POLR2E: variants seen among roughly 807,000 people sequenced by gnomAD.
POLR2E encodes the protein RNA polymerase II, I and III subunit E, also known as DNA-directed RNA polymerases I, II, and III subunit RPABC1.
POLR2E carries 35 observed loss-of-function variants against 29.8 expected under a neutral mutation model. The observed-to-expected ratio is 1.17, with a 90% confidence interval of 0.90 to 1.55. The LOEUF is 1.55. Ranked by LOEUF, POLR2E falls within the 40% of genes most tolerant of loss-of-function variation. POLR2E has a pLI of 0.00. For missense variants in POLR2E, 287 were observed against 288.6 expected (o/e 0.99, Z 0.04); for synonymous variants, 174 against 112.6 (o/e 1.55, Z -3.45).
intron 4 of POLR2E, 65 bp downstream of exon 4, chr19:1,090,843 G>A (rs1362496501): frequency 7.2e-7 from 1 of 1,391,864 alleles, no homozygotes; most frequent in African/African-American, 1.4e-5. Context: ...ACATCTTCCT[G>A]GCCACCCACA....
chr19:1,089,837 G>T (rs2043790078), intron 6 of POLR2E, 47 bp downstream of exon 6: 2 of 1,447,434 alleles, frequency 1.4e-6, no homozygotes, highest in Non-Finnish European at 1.9e-6. Context: ...TTCTCCGAGT[G>T]GTCAGCTCAG....
At chr19:1,092,706 A>T (rs2043863565) in intron 2 of POLR2E, among the ~76,000 whole-genome samples, 1 of 151,620 alleles carries the variant, frequency 6.6e-6, no homozygotes, top group Non-Finnish European at 1.5e-5. Flanking sequence ...TAATTAATTA[A>T]TTAATAAACA....
rs964457278 is a variant in POLR2E at position 1,088,148 on chromosome 19, T to G, written c.*587A>C. 2.6e-5 allele frequency: 4 copies of G among 152,374 alleles called. No individual in the cohort carries two copies. The highest frequency in any genetic ancestry group is 9.7e-5 in the African/African-American group (4 of 41,430). 9.4% of individuals were successfully genotyped at this position (152,374 alleles called of 1,614,324 possible). ...GAGGCAAGGCCACCTGCTGGAAACC[T>G]TGTTAGTCGGCCTGGTTTCTGTATC... On this transcript the variant is annotated 3_prime_UTR_variant, in exon 8 of 8. Coordinates refer to ENST00000615234, the MANE Select transcript of POLR2E (RefSeq NM_002695.5).
chr19:1,093,815 C>T (rs1357701425), intron 2 of POLR2E, 89 bp downstream of exon 2: 2 of 1,452,010 alleles, frequency 1.4e-6, no homozygotes, highest in Non-Finnish European at 1.8e-6. Flanking sequence ...ATGCTGGGCA[C>T]CAGGCGAGTG....
Position 1,087,632 on chromosome 19 carries a change from G to C in POLR2E, c.*1103C>G, listed in dbSNP as rs1741404112. ...CCTCCTAGGAGTGACATCAGTGTTTGTCCCTTTGGGTCTGGCTTGCTTTGG... is the reference window on the plus strand; with the variant it reads ...CCTCCTAGGAGTGACATCAGTGTTTCTCCCTTTGGGTCTGGCTTGCTTTGG... On this transcript the variant is annotated 3_prime_UTR_variant, in exon 8 of 8. Coordinates refer to ENST00000615234, the MANE Select transcript of POLR2E (RefSeq NM_002695.5). 6.6e-6 allele frequency: 1 copy of C among 151,836 alleles called. No individual in the cohort carries two copies. The allele number at this position is 151,836 out of a possible 1,614,324, so 9.4% of individuals were successfully genotyped here. A position where few individuals can be genotyped will look rare whatever the true frequency, so the allele number is the denominator to read the frequency against.
rs1457194236 is a variant in POLR2E, at chr19:1,087,759, G to C, written c.*976C>G. 2 of 152,352 alleles carry C rather than the reference G, an allele frequency of 1.3e-5. No homozygotes were observed. Among genetic ancestry groups the C allele is most frequent in the Admixed American group, 6.5e-5 (1 of 15,268 alleles). 9.4% of individuals were successfully genotyped at this position (152,352 alleles called of 1,614,324 possible). On this transcript the variant is annotated 3_prime_UTR_variant, in exon 8 of 8. Coordinates refer to ENST00000615234, the MANE Select transcript of POLR2E (RefSeq NM_002695.5). ...GGGGATCTGGGGACCCTGCTGCACA[G>C]AACAGTGGGCGCGTTACAGACCACC...
In POLR2E at chr19:1,087,751, G is replaced by C. The variant is rs892284208; in HGVS notation, c.*984C>G. 6.6e-6 allele frequency: 1 copy of C among 152,340 alleles called. No homozygotes were observed. Among genetic ancestry groups the C allele is most frequent in the Non-Finnish European group, 1.5e-5 (1 of 68,076 alleles). 9.4% of individuals were successfully genotyped at this position (152,340 alleles called of 1,614,324 possible). A position where few individuals can be genotyped will look rare whatever the true frequency, so the allele number is the denominator to read the frequency against. ...CGCGGCCTGGGGATCTGGGGACCCT[G>C]CTGCACAGAACAGTGGGCGCGTTAC... On this transcript the variant is annotated 3_prime_UTR_variant, in exon 8 of 8. Coordinates refer to ENST00000615234, the MANE Select transcript of POLR2E (RefSeq NM_002695.5).
intron 7 of POLR2E, among the ~76,000 whole-genome samples, chr19:1,089,231 G>A (rs1435715325): frequency 6.6e-6 from 1 of 152,228 alleles, no homozygotes; most frequent in Non-Finnish European, 1.5e-5. Flanking sequence ...CAGCGGCGGA[G>A]AGACGCACGC....
At chr19:1,091,009 G>A (rs923284755) in intron 3 of POLR2E, 21 bp from the exon 4 acceptor site, 11 of 1,611,008 alleles carry the variant, frequency 6.8e-6, no homozygotes, top group African/African-American at 2.7e-5. Context: ...GCGGCTCTAA[G>A]GCACGGCCCG....
At chr19:1,094,335 A>C (rs2043898666) in intron 1 of POLR2E, 1 of 461,518 alleles carries the variant, frequency 2.2e-6, no homozygotes. Context: ...GCCTCACAGA[A>C]ACCTGGCAGG....
chr19:1,091,891 G>A lies in POLR2E; in HGVS notation c.249C>T (p.Gly83=), dbSNP rs1024429980. The part of the protein sequence containing the change: ...FVFFPEEPKV[G]IKTIKVYCQR... ...GGCAGTACACCTTGATGGTCTTGAT[G>A]CCCACCTTGGGCTCCTCTGCAGACA... The change falls in exon 3 of 8, where the codon GGC becomes GGT. Residue 83 remains glycine, a synonymous_variant. Coordinates refer to ENST00000615234, the MANE Select transcript of POLR2E (RefSeq NM_002695.5). 3.7e-6 allele frequency: 6 copies of A among 1,611,290 alleles called. No individual in the cohort carries two copies. Among genetic ancestry groups the A allele is most frequent in the Non-Finnish European group, 5.1e-6 (6 of 1,178,342 alleles).
At chr19:1,090,323 C>CA (rs2043801969) in intron 4 of POLR2E, among the ~76,000 whole-genome samples, 178 bp from the exon 5 acceptor site, 2 of 144,048 alleles carry the variant, frequency 1.4e-5, no homozygotes, top group Non-Finnish European at 3.1e-5. Context: ...GGGACGGAGT[C>CA]ACAGCTCCTG....
chr19:1,090,223 C>T (rs575080092), intron 4 of POLR2E, 78 bp from the exon 5 acceptor site: 1 of 1,257,986 alleles, frequency 7.9e-7, no homozygotes, highest in East Asian at 2.4e-5. Context: ...ACCACAGCCC[C>T]TGCGCCTTCA....
chr19:1,095,071 T>C (rs2145151863), intron 1 of POLR2E, 188 bp downstream of exon 1: 2 of 407,732 alleles, frequency 4.9e-6, no homozygotes, highest in Admixed American at 3.9e-5. Context: ...ACCCCCTCCC[T>C]TCCCCGCTGC....
intron 6 of POLR2E, 70 bp downstream of exon 6, chr19:1,089,814 G>A (rs894036641): frequency 9.4e-6 from 12 of 1,279,458 alleles, no homozygotes; most frequent in African/African-American, 5.8e-5. Flanking sequence ...GTCGGGGAGG[G>A]ACAGAAGCCC....
chr19:1,091,428 G>A (rs943417343), intron 3 of POLR2E: 5 of 378,346 alleles, frequency 1.3e-5, no homozygotes, highest in South Asian at 2.9e-5. Context: ...GGCCCCTGGA[G>A]GACCCCGTGC....
In POLR2E at chr19:1,088,969, G is replaced by A. The variant is rs543647424; in HGVS notation, c.*15-249C>T. Among the ~76,000 whole-genome samples, 819 of 152,276 alleles carry A rather than the reference G, an allele frequency of 5.4e-3. 8 individuals carry two copies. The highest frequency in any genetic ancestry group is 0.019 in the African/African-American group (792 of 41,556). On this transcript the variant is annotated intron_variant, in intron 7 of 7. Coordinates refer to ENST00000615234, the MANE Select transcript of POLR2E (RefSeq NM_002695.5). The stretch of plus-strand genomic sequence containing the variant: ...CCCTGGGCTGAGTGTGAAGTGGGGC[G>A]GCCTGCAGGACAGCAGCTCGCCATG...
At chr19:1,092,167 G>C (rs992039277) in intron 2 of POLR2E, 6 of 439,768 alleles carry the variant, frequency 1.4e-5, no homozygotes, top group Non-Finnish European at 2.5e-5. Context: ...GGGAGAAGCA[G>C]AGACCTTCGA....
At chr19:1,089,997 C>T (rs1201697299) in intron 5 of POLR2E, 35 bp from the exon 6 acceptor site, 1 of 1,474,346 alleles carries the variant, frequency 6.8e-7, no homozygotes, top group Admixed American at 1.9e-5. Context: ...CCAGACAGGG[C>T]CGTTGGGGGG....
Sources: allele counts gnomAD v4.1 joint callset (sites outside exome capture counted in the v4.1 genomes callset), GRCh38; gene constraint gnomAD v4.1.1; transcripts MANE v1.5; gene names NCBI Gene and HGNC (gene_info 2026-07-23, HGNC 2026-07-21).